DMD: variants seen among roughly 807,000 people sequenced by gnomAD.
DMD encodes the protein dystrophin.
Under a neutral mutation model 330.1 loss-of-function variants are expected in DMD, and 63 were observed. The observed-to-expected ratio is 0.19, with a 90% confidence interval of 0.16 to 0.24. The LOEUF is 0.24. DMD is among the 10% of genes least tolerant of loss of function. The pLI is 1.00. For synonymous variants in DMD, 1,223 were observed against 959.8 expected, an observed-to-expected ratio of 1.27 and a Z score of -5.07; for missense variants, 3,344 against 2,684.1, an observed-to-expected ratio of 1.25 and a Z score of -5.43.
intron 55 of DMD, among the ~76,000 whole-genome samples, chrX:31,560,796 A>G (rs2147848892): frequency 9.0e-6 from 1 of 111,685 alleles, no homozygotes; most frequent in African/African-American, 3.3e-5. Flanking sequence ...CTTCCTTATG[A>G]TTTTCTTAGT....
intron 44 of DMD, among the ~76,000 whole-genome samples, chrX:32,073,837 T>C (rs1185035335): frequency 2.7e-5 from 3 of 111,382 alleles, no homozygotes; most frequent in African/African-American, 9.8e-5. Context: ...GCGTTAAGTA[T>C]AAGAACCCAT....
chrX:33,175,443 T>G (rs1402816087), intron 1 of DMD, among the ~76,000 whole-genome samples: 1 of 112,587 alleles, frequency 8.9e-6, no homozygotes, highest in African/African-American at 3.2e-5. Flanking sequence ...ACTTGGCTGG[T>G]AATACAGGGG....
intron 2 of DMD, among the ~76,000 whole-genome samples, chrX:32,945,992 C>A (rs2090779446): frequency 9.0e-6 from 1 of 111,091 alleles, no homozygotes; most frequent in African/African-American, 3.3e-5. Flanking sequence ...GTCTCATAAT[C>A]AAGATTATAA....
At chrX:33,103,394 T>C (rs1213998310) in intron 1 of DMD, among the ~76,000 whole-genome samples, 3 of 110,546 alleles carry the variant, frequency 2.7e-5, no homozygotes, top group Non-Finnish European at 5.7e-5. Context: ...GTTCCTGCCT[T>C]AACTGATGAC....
Position 32,974,657 on chromosome X carries a change from T to G in DMD, c.93+45482A>C, listed in dbSNP as rs1441754259. On this transcript the variant is annotated intron_variant, in intron 2 of 78. Transcript: ENST00000357033. ...TTATATATCCTGTCTTTTTTTAAATTTAAGGCTTAACAACAAACAAACAGT... is the reference window on the plus strand; with the variant it reads ...TTATATATCCTGTCTTTTTTTAAATGTAAGGCTTAACAACAAACAAACAGT... Among the ~76,000 whole-genome samples the G allele has an allele frequency of 3.6e-5, 4 of 111,511 alleles. No individual in the cohort carries two copies. In the East Asian group the frequency reaches 8.5e-4, roughly 24 times the overall value.
chrX:31,855,768 T>C (rs2093604572), intron 48 of DMD, among the ~76,000 whole-genome samples: 2 of 111,387 alleles, frequency 1.8e-5, no homozygotes, highest in African/African-American at 6.5e-5. Flanking sequence ...TTCTCTCTTC[T>C]GAATACTCTT....
intron 1 of DMD, among the ~76,000 whole-genome samples, chrX:33,125,460 C>A (rs749864593): frequency 1.8e-5 from 2 of 111,772 alleles, no homozygotes; most frequent in Non-Finnish European, 3.8e-5. Flanking sequence ...CCCTAACTCT[C>A]AGTTACGAAC....
intron 2 of DMD, among the ~76,000 whole-genome samples, chrX:32,944,076 A>G (rs1309513520): frequency 9.0e-6 from 1 of 111,601 alleles, no homozygotes; most frequent in East Asian, 2.8e-4. Flanking sequence ...ATGTGTACAC[A>G]TTTTTTAGCA....
intron 48 of DMD, among the ~76,000 whole-genome samples, chrX:31,868,534 A>G (rs1363641680): frequency 8.9e-6 from 1 of 111,978 alleles, no homozygotes; most frequent in Non-Finnish European, 1.9e-5. Flanking sequence ...CTGGAATGTC[A>G]TATTTGAGAA....
intron 7 of DMD, among the ~76,000 whole-genome samples, chrX:32,706,260 C>T (rs1374823146): frequency 1.0e-5 from 1 of 99,101 alleles, no homozygotes; most frequent in Non-Finnish European, 2.0e-5. Context: ...GGAGGGATAG[C>T]ATTAGGAGAT....
Position 32,143,709 on chromosome X carries a change from A to ATT in DMD, c.6438+73205_6438+73206dup, listed in dbSNP as rs752110896. Among the ~76,000 whole-genome samples the ATT allele has an allele frequency of 7.0e-5, 7 of 99,304 alleles. No homozygotes were observed. The Admixed American group carries it at 7.7e-4, about 11-fold the overall frequency. 86.2% of individuals were successfully genotyped at this position (99,304 alleles called of 115,157 possible). On this transcript the variant is annotated intron_variant, in intron 44 of 78. Coordinates refer to ENST00000357033, the MANE Select transcript of DMD (RefSeq NM_004006.3). ...AGGCGCCCGCCACCACGCATGGCTAATTTTTTTTTTTTTGTATTTTTTAGT... is the reference window on the plus strand; with the variant it reads ...AGGCGCCCGCCACCACGCATGGCTAATTTTTTTTTTTTTTTGTATTTTTTAGT...
intron 17 of DMD, among the ~76,000 whole-genome samples, chrX:32,529,171 C>T (rs1206586162): frequency 1.9e-5 from 2 of 106,024 alleles, no homozygotes; most frequent in Non-Finnish European, 3.9e-5. Flanking sequence ...GTGATCCGCC[C>T]GACTCAGCCT....
At chrX:31,989,180 T>C (rs1411136808) in intron 44 of DMD, among the ~76,000 whole-genome samples, 1 of 111,355 alleles carries the variant, frequency 9.0e-6, no homozygotes, top group Non-Finnish European at 1.9e-5. Context: ...TCGGCTTTGC[T>C]CCCTCTACTG....
chrX:32,649,888 C>T (rs1250489259), intron 9 of DMD, among the ~76,000 whole-genome samples: 1 of 111,146 alleles, frequency 9.0e-6, no homozygotes, highest in East Asian at 2.8e-4. Flanking sequence ...AATATACGTA[C>T]GTAAGGCTGC....
At chrX:32,993,465 T>C (rs1232412191) in intron 2 of DMD, among the ~76,000 whole-genome samples, 1 of 109,650 alleles carries the variant, frequency 9.1e-6, no homozygotes, top group East Asian at 2.9e-4. Context: ...TAGCCAGGCA[T>C]GGTGGTGTGT....
At chrX:32,207,138 A>C (rs1456737) in intron 44 of DMD, among the ~76,000 whole-genome samples, 51,005 of 110,518 alleles carry the variant, frequency 0.46, 8,676 homozygotes, top group East Asian at 0.84. Context: ...GTGTGGTAGT[A>C]GTCAGTATCA....
At chrX:32,657,669 CA>C (rs2060670550) in intron 9 of DMD, among the ~76,000 whole-genome samples, 1 of 111,744 alleles carries the variant, frequency 8.9e-6, no homozygotes, top group African/African-American at 3.3e-5. Flanking sequence ...TTTTAAAAGT[CA>C]GTATTTGGTT....
intron 2 of DMD, among the ~76,000 whole-genome samples, chrX:33,002,055 C>T (rs763673723): frequency 2.6e-3 from 293 of 111,081 alleles, no homozygotes; most frequent in Non-Finnish European, 4.7e-3. Flanking sequence ...AATTATATTG[C>T]CTATTCATTC....
At chrX:33,075,305 C>T (rs2148192639) in intron 1 of DMD, among the ~76,000 whole-genome samples, 1 of 111,686 alleles carries the variant, frequency 9.0e-6, no homozygotes, top group East Asian at 2.8e-4. Context: ...GCACCTATTG[C>T]GTAGCTTTCC....
Sources: gnomAD v4.1 joint callset for allele counts (sites outside exome capture counted in the v4.1 genomes callset) on GRCh38, gnomAD v4.1.1 for gene constraint, MANE v1.5 for transcripts, NCBI Gene and HGNC (gene_info 2026-07-23, HGNC 2026-07-21) for gene names.